The following MTA3 variants were observed in gnomAD, a reference collection of about 807,000 sequenced individuals.
MTA3 encodes the protein metastasis associated 1 family member 3.
MTA3 carries 34 observed loss-of-function variants against 83.5 expected under a neutral mutation model. That is an observed-to-expected ratio of 0.41 (90% CI 0.31 to 0.54). The LOEUF (loss-of-function observed/expected upper bound fraction) is 0.54. Ranked by LOEUF, MTA3 falls within the 20% of genes least tolerant of loss-of-function variation. The pLI is 0.33. For synonymous variants in MTA3, 303 were observed against 252.7 expected (o/e 1.20, Z -1.89); for missense variants, 761 against 726.4 (o/e 1.05, Z -0.55).
intron 2 of MTA3, among the ~76,000 whole-genome samples, chr2:42,552,204 C>A (rs1415634412): frequency 6.6e-6 from 1 of 152,088 alleles, no homozygotes; most frequent in African/African-American, 2.4e-5. Flanking sequence ...CTGGTGTGTG[C>A]CTGGCATGTC....
At chr2:42,533,420 A>G (rs890789316) in intron 2 of MTA3, 1 of 151,372 alleles carries the variant, frequency 6.6e-6, no homozygotes, top group African/African-American at 2.4e-5. Flanking sequence ...CCTAGAGAAC[A>G]CATTTTGGGT....
chr2:42,527,837 AC>A (rs140410255), intron 2 of MTA3, among the ~76,000 whole-genome samples: 12 of 151,526 alleles, frequency 7.9e-5, no homozygotes, highest in African/African-American at 2.9e-4. Flanking sequence ...AAAAAAAAAA[AC>A]AAAAACAAGT....
chr2:42,592,654 G>C lies in MTA3; in HGVS notation c.190+13454G>C, dbSNP rs149568575. Among the ~76,000 whole-genome samples, 983 of 152,094 alleles carry C rather than the reference G, an allele frequency of 6.5e-3. 10 individuals are homozygous for C. The highest frequency in any genetic ancestry group is 0.02 in the African/African-American group (849 of 41,492). ...AAACATAAACATATATATTAGCTTA[G>C]GCCTACACAGGGTCAGGATCATCAA... On this transcript the variant is annotated intron_variant, in intron 3 of 16. Transcript: ENST00000405094.
intron 4 of MTA3, among the ~76,000 whole-genome samples, chr2:42,629,255 A>G (rs974338315): frequency 6.6e-5 from 10 of 151,874 alleles, no homozygotes; most frequent in Admixed American, 2.6e-4. Context: ...ACTTTTTTGT[A>G]TCTTTAGTAG....
At chr2:42,569,692 G>C (rs766152684) in intron 1 of MTA3, 1 of 152,172 alleles carries the variant, frequency 6.6e-6, no homozygotes, top group Admixed American at 6.5e-5. Flanking sequence ...GAAGTTTCCA[G>C]CAAGCCTATT....
At chr2:42,502,622 A>G (rs2103646096) in intron 2 of MTA3, among the ~76,000 whole-genome samples, 1 of 152,152 alleles carries the variant, frequency 6.6e-6, no homozygotes, top group African/African-American at 2.4e-5. Context: ...AACATGGTGA[A>G]ACCTCGTCTC....
At chr2:42,643,390 A>C (rs774707285) in intron 5 of MTA3, among the ~76,000 whole-genome samples, 15 of 152,278 alleles carry the variant, frequency 9.9e-5, no homozygotes, top group Admixed American at 3.3e-4. Context: ...GTTATACGGA[A>C]TTCAGCAAAG....
chr2:42,631,367 C>T (rs1686657119), intron 4 of MTA3, among the ~76,000 whole-genome samples: 1 of 152,140 alleles, frequency 6.6e-6, no homozygotes, highest in Admixed American at 6.5e-5. Flanking sequence ...TACTATATAA[C>T]CTTTCCTTTG....
chr2:42,525,601 C>CCTTTCCTTCCTT, intron 2 of MTA3, among the ~76,000 whole-genome samples: 1 of 61,390 alleles, frequency 1.6e-5, no homozygotes, highest in South Asian at 9.0e-4. Flanking sequence ...TTCCTTCCTT[C>CCTTTCCTTCCTT]CTTTCCTTCC....
rs545056808 is a variant in MTA3, at chr2:42,576,687, G to A, written c.97-2420G>A. 7.2e-4 allele frequency among the ~76,000 whole-genome samples: 109 copies of A among 152,212 alleles called. 1 individual carries two copies. Among genetic ancestry groups the A allele is most frequent in the African/African-American group, 2.5e-3 (104 of 41,522 alleles). ...AGGCCGAGGTGGGTGGATCACCTGAGAGGAGTCTGAGACTAGCCTGGCCAA... is the reference window on the plus strand; with the variant it reads ...AGGCCGAGGTGGGTGGATCACCTGAAAGGAGTCTGAGACTAGCCTGGCCAA... On this transcript the variant is annotated intron_variant, in intron 2 of 16. Transcript: ENST00000405094.
chr2:42,568,507 C>A (rs1286760458), upstream of MTA3: 5 of 254,754 alleles, frequency 2.0e-5, no homozygotes, highest in Non-Finnish European at 3.7e-5. Context: ...CCGGGCCTCC[C>A]CCGGCCCGGC....
Position 42,723,091 on chromosome 2 carries a change from G to A in MTA3, c.1759+56G>A, listed in dbSNP as rs1176535332. The A allele has an allele frequency of 4.6e-6, 7 of 1,512,978 alleles. No homozygotes were observed. In the East Asian group the frequency reaches 7.4e-5, roughly 16 times the overall value. 93.7% of individuals were successfully genotyped at this position (1,512,978 alleles called of 1,614,324 possible). A position where few individuals can be genotyped will look rare whatever the true frequency, so the allele number is the denominator to read the frequency against. The stretch of plus-strand genomic sequence containing the variant: ...TCTGATAGAGTGCCTTCACACTCAG[G>A]CATGTGTCTGCCACATCCAAAAATA... On this transcript the variant is annotated intron_variant, in intron 16 of 16. Coordinates refer to ENST00000405094, the MANE Select transcript of MTA3 (RefSeq NM_001330442.2).
At chr2:42,604,998 C>T (rs914555407) in intron 3 of MTA3, among the ~76,000 whole-genome samples, 9 of 150,454 alleles carry the variant, frequency 6.0e-5, no homozygotes, top group South Asian at 4.2e-4. Flanking sequence ...CACACAGACA[C>T]GGCAACCATC....
chr2:42,701,325 C>T (rs1046643806), intron 11 of MTA3, among the ~76,000 whole-genome samples: 3 of 140,156 alleles, frequency 2.1e-5, no homozygotes, highest in African/African-American at 8.1e-5. Flanking sequence ...AAAGGCCAGG[C>T]ATGGTGGCTC....
At chr2:42,691,755 T>C (rs996758788) in intron 9 of MTA3, among the ~76,000 whole-genome samples, 2 of 152,240 alleles carry the variant, frequency 1.3e-5, no homozygotes, top group East Asian at 1.9e-4. Context: ...TCTTTATTTC[T>C]CCATCACGTT....
intron 2 of MTA3, among the ~76,000 whole-genome samples, chr2:42,523,491 G>T (rs1675524903): frequency 6.6e-6 from 1 of 152,188 alleles, no homozygotes; most frequent in Non-Finnish European, 1.5e-5. Flanking sequence ...ACAAGAGGAA[G>T]AAACCTGACC....
chr2:42,718,058 G>A (rs1318404985), intron 14 of MTA3, among the ~76,000 whole-genome samples: 1 of 151,126 alleles, frequency 6.6e-6, no homozygotes, highest in East Asian at 1.9e-4. Flanking sequence ...CCCATATGGG[G>A]CTTTAAAGTG....
intron 4 of MTA3, among the ~76,000 whole-genome samples, chr2:42,632,292 G>A (rs1045170926): frequency 6.6e-6 from 1 of 151,432 alleles, no homozygotes; most frequent in Non-Finnish European, 1.5e-5. Flanking sequence ...GGGTTTCACC[G>A]TGTTAGCCAG....
At chr2:42,541,049 G>A (rs895472680) in intron 2 of MTA3, among the ~76,000 whole-genome samples, 1 of 111,320 alleles carries the variant, frequency 9.0e-6, no homozygotes, top group Non-Finnish European at 1.9e-5. Context: ...TTTTTTTTTT[G>A]AGATGGAGTT....
Sources: allele counts gnomAD v4.1 joint callset (sites outside exome capture counted in the v4.1 genomes callset), GRCh38; gene constraint gnomAD v4.1.1; transcripts MANE v1.5; gene names NCBI Gene and HGNC (gene_info 2026-07-23, HGNC 2026-07-21).